Variants in COL28A1 observed in about 807,000 individuals in gnomAD.
COL28A1 encodes collagen alpha-1(XXVIII) chain.
COL28A1 carries 161 observed loss-of-function variants against 150.2 expected under a neutral mutation model. That is an observed-to-expected ratio of 1.07 (90% CI 0.94 to 1.22). The LOEUF (loss-of-function observed/expected upper bound fraction) is 1.22, where lower values mean the gene tolerates loss of function less well. Ranked by LOEUF, COL28A1 falls within the 50% of genes most tolerant of loss-of-function variation. The pLI, the probability that COL28A1 is intolerant of heterozygous loss-of-function variation, is 0.00. For synonymous variants in COL28A1, 552 were observed against 469.7 expected (o/e 1.18, Z -2.26); for missense variants, 1,617 against 1,388.3 (o/e 1.16, Z -2.62).
chr7:7,475,005 G>C (rs1415032702), intron 14 of COL28A1, among the ~76,000 whole-genome samples: 1 of 152,124 alleles, frequency 6.6e-6, no homozygotes, highest in African/African-American at 2.4e-5. Flanking sequence ...ACTGGATCAA[G>C]TCTCCTTTTC....
chr7:7,364,947 G>C (rs929536463), intron 33 of COL28A1, among the ~76,000 whole-genome samples: 3 of 152,144 alleles, frequency 2.0e-5, no homozygotes, highest in African/African-American at 7.2e-5. Context: ...GATATGCAAA[G>C]AGCGAAAGAG....
chr7:7,535,303 A>G (rs1362628215), intron 1 of COL28A1, among the ~76,000 whole-genome samples: 2 of 152,172 alleles, frequency 1.3e-5, no homozygotes, highest in Admixed American at 6.5e-5. Context: ...TAATTTTTCA[A>G]AAATAAAATG....
chr7:7,377,547 C>T (rs1001307443), intron 30 of COL28A1, among the ~76,000 whole-genome samples: 2 of 152,102 alleles, frequency 1.3e-5, no homozygotes, highest in South Asian at 4.1e-4. Flanking sequence ...GCAAGGTGGT[C>T]GGCCTTCTGT....
chr7:7,364,196 T>C (rs1034887105), intron 33 of COL28A1, among the ~76,000 whole-genome samples: 4 of 152,192 alleles, frequency 2.6e-5, no homozygotes, highest in Admixed American at 6.5e-5. Flanking sequence ...AATTTAACCT[T>C]TAGTCCTATC....
intron 27 of COL28A1, among the ~76,000 whole-genome samples, chr7:7,406,059 G>C (rs563017350): frequency 6.6e-6 from 1 of 151,976 alleles, no homozygotes; most frequent in Non-Finnish European, 1.5e-5. Context: ...GTGATAATTT[G>C]ATCACAAAGG....
chr7:7,485,386 G>C (rs1455712379), intron 13 of COL28A1, among the ~76,000 whole-genome samples: 1 of 151,912 alleles, frequency 6.6e-6, no homozygotes, highest in Admixed American at 6.6e-5. Context: ...TGTGTAGTTT[G>C]TGAATATTTT....
chr7:7,542,299 C>A, the COL28A1 span, among the ~76,000 whole-genome samples: 1 of 152,148 alleles, frequency 6.6e-6, no homozygotes. Context: ...CCACTGCACT[C>A]CGGCCTGGCC....
chr7:7,495,215 TA>T lies in COL28A1; in HGVS notation c.1027-4570del, dbSNP rs201249080. Among the ~76,000 whole-genome samples, 1,165 of 152,346 alleles carry T rather than the reference TA, an allele frequency of 7.6e-3. 7 individuals carry two copies. Among genetic ancestry groups the T allele is most frequent in the Middle Eastern group, 0.01 (3 of 294 alleles). On this transcript the variant is annotated intron_variant, in intron 11 of 34. Coordinates refer to ENST00000399429, the MANE Select transcript of COL28A1 (RefSeq NM_001037763.3). Reference sequence around the variant, plus strand: ...AATCAACACTTTTTAAAGTATTAATTATTTTTTTACCATCTTTTAATGCTAA... The same window carrying T: ...AATCAACACTTTTTAAAGTATTAATTTTTTTTTACCATCTTTTAATGCTAA...
At chr7:7,388,282 G>A (rs1234850352) in intron 27 of COL28A1, among the ~76,000 whole-genome samples, 1 of 151,752 alleles carries the variant, frequency 6.6e-6, no homozygotes, top group Non-Finnish European at 1.5e-5. Flanking sequence ...CTGTTCTTAT[G>A]TTAGTTTGCT....
chr7:7,358,455 C>G lies in COL28A1; in HGVS notation c.*178G>C, dbSNP rs1780446179. The G allele has an allele frequency of 3.8e-6, 2 of 521,740 alleles. No homozygotes were observed. The highest frequency in any genetic ancestry group is 7.7e-5 in the Admixed American group (2 of 25,858). 32.3% of individuals were successfully genotyped at this position (521,740 alleles called of 1,614,324 possible). Reference sequence around the variant, plus strand: ...CTAAACTTCTCAGAGCCTCAGCTTTCTTACCTATATAAGTGGTTAATAATA... The same window carrying G: ...CTAAACTTCTCAGAGCCTCAGCTTTGTTACCTATATAAGTGGTTAATAATA... On this transcript the variant is annotated 3_prime_UTR_variant, in exon 35 of 35. Transcript: ENST00000399429.
At chr7:7,389,824 G>C (rs751866584) in intron 27 of COL28A1, among the ~76,000 whole-genome samples, 6 of 152,182 alleles carry the variant, frequency 3.9e-5, no homozygotes, top group Non-Finnish European at 5.9e-5. Context: ...AAGAATGCTT[G>C]TGATTTTTGC....
At chr7:7,482,756 C>A (rs910969709) in intron 13 of COL28A1, among the ~76,000 whole-genome samples, 1 of 151,896 alleles carries the variant, frequency 6.6e-6, no homozygotes, top group South Asian at 2.1e-4. Context: ...AGGTAATATA[C>A]GTTTTTTAAG....
At chr7:7,452,062 T>C (rs930038145) in intron 18 of COL28A1, among the ~76,000 whole-genome samples, 2 of 152,206 alleles carry the variant, frequency 1.3e-5, no homozygotes, top group African/African-American at 4.8e-5. Flanking sequence ...GGGGATTCTA[T>C]AATAAACCAA....
chr7:7,381,236 G>A (rs1422463682), intron 28 of COL28A1, among the ~76,000 whole-genome samples: 1 of 152,052 alleles, frequency 6.6e-6, no homozygotes, highest in African/African-American at 2.4e-5. Flanking sequence ...GTTATCTTCT[G>A]AGAATAAAGA....
At chr7:7,501,601 T>G (rs1026796754) in intron 11 of COL28A1, among the ~76,000 whole-genome samples, 1 of 152,178 alleles carries the variant, frequency 6.6e-6, no homozygotes, top group Non-Finnish European at 1.5e-5. Context: ...TTCCACTGTG[T>G]TGATTTATTC....
chr7:7,418,396 T>C lies in COL28A1; in HGVS notation c.2068-469A>G, dbSNP rs1049723156. ...CAATGTCCAAATTTTTAGGAAAATG[T>C]GTAGATGAAGCTATAAGCAAGTGTA... On this transcript the variant is annotated intron_variant, in intron 26 of 34. Coordinates refer to ENST00000399429, the MANE Select transcript of COL28A1 (RefSeq NM_001037763.3). Among the ~76,000 whole-genome samples the C allele has an allele frequency of 2.0e-5, 3 of 152,240 alleles. No individual in the cohort carries two copies. In the South Asian group the frequency reaches 6.2e-4, roughly 31 times the overall value.
chr7:7,363,598 A>C (rs1217561513), intron 33 of COL28A1, among the ~76,000 whole-genome samples: 1 of 152,112 alleles, frequency 6.6e-6, no homozygotes, highest in Non-Finnish European at 1.5e-5. Context: ...ATCAGAAGTA[A>C]TTCTACCTCC....
chr7:7,520,667 G>C (rs17168446), intron 5 of COL28A1, among the ~76,000 whole-genome samples: 46,959 of 152,062 alleles, frequency 0.31, 7,726 homozygotes, highest in African/African-American at 0.41. Context: ...GCTTTTCTGA[G>C]AAATGGTGTT....
chr7:7,451,900 C>G (rs1786721657), intron 18 of COL28A1, among the ~76,000 whole-genome samples: 1 of 152,092 alleles, frequency 6.6e-6, no homozygotes, highest in Non-Finnish European at 1.5e-5. Context: ...AAGAATATGA[C>G]AACAACAGAA....
Sources: gnomAD v4.1 joint callset for allele counts (sites outside exome capture counted in the v4.1 genomes callset) on GRCh38, gnomAD v4.1.1 for gene constraint, MANE v1.5 for transcripts, NCBI Gene and HGNC (gene_info 2026-07-23, HGNC 2026-07-21) for gene names.